Variants in TANC2 observed in about 807,000 individuals in gnomAD.
TANC2 encodes protein TANC2.
In TANC2, 26 loss-of-function variants were observed where a neutral mutation model predicts 210.5. The observed-to-expected ratio is 0.12, with a 90% confidence interval of 0.09 to 0.17. The LOEUF (loss-of-function observed/expected upper bound fraction) is 0.17. Among genes scored for constraint, TANC2 ranks in the 10% least tolerant of loss-of-function variants. The probability of loss-of-function intolerance (pLI) is 1.00; values close to 1 mark genes in which losing one functional copy is unlikely to be tolerated. For missense variants in TANC2, 2,129 were observed against 2,608.9 expected (o/e 0.82, Z 4.01); for synonymous variants, 931 against 967.1 (o/e 0.96, Z 0.69).
chr17:63,050,360 A>G (rs1238637274), intron 2 of TANC2, among the ~76,000 whole-genome samples: 3 of 133,152 alleles, frequency 2.3e-5, no homozygotes, highest in Admixed American at 7.3e-5. Context: ...CTGTTTCAAG[A>G]AAAAAAAAAA....
intron 18 of TANC2, 116 bp from the exon 19 acceptor site, chr17:63,398,705 T>C (rs2048247609): frequency 1.6e-6 from 1 of 612,490 alleles, no homozygotes; most frequent in Non-Finnish European, 2.8e-6. Context: ...ATTCCTTTTG[T>C]GTGCAAGAGA....
At chr17:63,099,306 C>T in exon 4 of TANC2, 1 of 1,567,080 alleles carries the variant, frequency 6.4e-7, no homozygotes, top group Non-Finnish European at 8.7e-7. Flanking sequence ...CTCCCCCTTA[C>T]TCACACATCA....
At chr17:63,299,382 C>A (rs1199496068) in intron 9 of TANC2, among the ~76,000 whole-genome samples, 1 of 152,072 alleles carries the variant, frequency 6.6e-6, no homozygotes, top group African/African-American at 2.4e-5. Context: ...AATTTATATT[C>A]CCACCAACAG....
At chr17:63,345,051 C>A (rs1452829243) in intron 12 of TANC2, among the ~76,000 whole-genome samples, 2 of 152,184 alleles carry the variant, frequency 1.3e-5, no homozygotes, top group Non-Finnish European at 2.9e-5. Context: ...CTTGAATAAG[C>A]TTCCAAATGA....
In TANC2 at chr17:63,140,053, A is replaced by T. The variant is rs563717049; in HGVS notation, c.323-11217A>T. On this transcript the variant is annotated intron_variant, in intron 4 of 27. Transcript: ENST00000689528. ...GGAATTTCATGCTTTTGTTTAAATA[A>T]TTTACTTTTAAAGAAACTTTATACT... is the stretch of plus-strand genomic sequence containing the variant. Among the ~76,000 whole-genome samples the T allele has an allele frequency of 2.0e-5, 3 of 152,272 alleles. No homozygotes were observed. The South Asian group carries it at 6.2e-4, about 32-fold the overall frequency.
intron 7 of TANC2, among the ~76,000 whole-genome samples, chr17:63,230,285 A>T (rs1567835541): frequency 6.6e-6 from 1 of 151,490 alleles, no homozygotes; most frequent in Non-Finnish European, 1.5e-5. Flanking sequence ...TGTCTCCCTC[A>T]GTTCTGCTGT....
chr17:63,172,330 C>T (rs1016013794), intron 5 of TANC2, among the ~76,000 whole-genome samples: 11 of 151,798 alleles, frequency 7.2e-5, no homozygotes, highest in Admixed American at 2.6e-4. Flanking sequence ...TACAGGCGCC[C>T]GCCACCATTC....
chr17:63,353,868 C>A (rs893933504), intron 13 of TANC2, among the ~76,000 whole-genome samples: 1 of 151,986 alleles, frequency 6.6e-6, no homozygotes, highest in African/African-American at 2.4e-5. Flanking sequence ...TCGGATTTGG[C>A]AAAGTGAAAG....
At chr17:63,366,102 G>A (rs550985405) in intron 14 of TANC2, among the ~76,000 whole-genome samples, 2 of 152,092 alleles carry the variant, frequency 1.3e-5, no homozygotes, top group Admixed American at 1.3e-4. Flanking sequence ...GGAATGATAA[G>A]TGGTACTAAT....
intron 2 of TANC2, among the ~76,000 whole-genome samples, chr17:63,057,530 A>C (rs1221689482): frequency 6.6e-6 from 1 of 152,126 alleles, no homozygotes; most frequent in Non-Finnish European, 1.5e-5. Flanking sequence ...ATCACCCAGG[A>C]ACTAGGCCTT....
intron 2 of TANC2, among the ~76,000 whole-genome samples, chr17:63,057,050 A>G (rs755305496): frequency 2.6e-5 from 4 of 151,442 alleles, no homozygotes; most frequent in African/African-American, 9.7e-5. Context: ...CTGGCCTCCA[A>G]CTCCTGGTCT....
chr17:63,121,971 G>C (rs575833302), intron 4 of TANC2, among the ~76,000 whole-genome samples: 2 of 151,216 alleles, frequency 1.3e-5, no homozygotes, highest in African/African-American at 4.9e-5. Flanking sequence ...CATCTCTTGC[G>C]GGGGGAGGGG....
intron 4 of TANC2, among the ~76,000 whole-genome samples, chr17:63,134,042 T>C (rs534328041): frequency 2.0e-5 from 3 of 152,316 alleles, no homozygotes; most frequent in African/African-American, 7.2e-5. Context: ...CTGTTAAACA[T>C]ACAAGAGCAC....
chr17:63,046,787 G>A (rs1209294370), intron 2 of TANC2, among the ~76,000 whole-genome samples: 1 of 151,938 alleles, frequency 6.6e-6, no homozygotes, highest in African/African-American at 2.4e-5. Flanking sequence ...TATTATTTAG[G>A]CATAATGGGA....
intron 2 of TANC2, among the ~76,000 whole-genome samples, chr17:63,063,531 CGTGTGTGTGTGTGTGTGTGTGTGT>C (rs59132639): frequency 1.8e-5 from 2 of 108,146 alleles, no homozygotes; most frequent in Non-Finnish European, 3.7e-5. Flanking sequence ...GGGACAAAGA[CGTGTGTGTGTGTGTGTGTGTGTGT>C]GTGTGTGTGT....
chr17:63,351,233 G>GTTTC lies in TANC2; in HGVS notation c.1808-11_1808-8dup. On this transcript the variant is annotated splice_polypyrimidine_tract_variant and intron_variant, in intron 12 of 27. Coordinates refer to ENST00000689528, the Ensembl canonical transcript of TANC2. ...CCACTTGGTAATTATTAAGTAATGTGTTTCTTTCTATCTCAGAGAGAAAAA... is the reference window on the plus strand; with the variant it reads ...CCACTTGGTAATTATTAAGTAATGTGTTTCTTTCTTTCTATCTCAGAGAGAAAAA... The GTTTC allele has an allele frequency of 6.3e-7, 1 of 1,588,284 alleles. No homozygotes were observed. The highest frequency in any genetic ancestry group is 1.2e-5 in the South Asian group (1 of 86,626).
intron 14 of TANC2, among the ~76,000 whole-genome samples, chr17:63,371,769 TA>T (rs1318451272): frequency 6.6e-6 from 1 of 152,214 alleles, no homozygotes; most frequent in Non-Finnish European, 1.5e-5. Flanking sequence ...TCCATAATGT[TA>T]AATGAGGATA....
chr17:63,110,826 T>C (rs867434969), intron 4 of TANC2, among the ~76,000 whole-genome samples: 16 of 152,316 alleles, frequency 1.1e-4, no homozygotes, highest in Middle Eastern at 3.4e-3. Flanking sequence ...TAATGGATTG[T>C]TCTGTCTCTT....
chr17:63,220,722 AT>A (rs1399783703), intron 7 of TANC2, among the ~76,000 whole-genome samples: 19 of 133,692 alleles, frequency 1.4e-4, no homozygotes, highest in African/African-American at 5.4e-4. Context: ...AAAAAAAAAT[AT>A]ATATATATAT....
Sources: allele counts gnomAD v4.1 joint callset (sites outside exome capture counted in the v4.1 genomes callset), GRCh38; gene constraint gnomAD v4.1.1; transcripts MANE v1.5; gene names NCBI Gene and HGNC (gene_info 2026-07-23, HGNC 2026-07-21).